The following CTNND2 variants were observed in gnomAD, a reference collection of about 807,000 sequenced individuals.
CTNND2 encodes the protein catenin delta-2.
Under a neutral mutation model 144.4 loss-of-function variants are expected in CTNND2, and 22 were observed. That is an observed-to-expected ratio of 0.15 (90% CI 0.11 to 0.22). The LOEUF (loss-of-function observed/expected upper bound fraction) is 0.22, where lower values mean the gene tolerates loss of function less well. Among genes scored for constraint, CTNND2 ranks in the 10% least tolerant of loss-of-function variants. CTNND2 has a pLI of 1.00. For synonymous variants in CTNND2, 751 were observed against 695.6 expected (o/e 1.08, Z -1.25); for missense variants, 1,353 against 1,618.8 (o/e 0.84, Z 2.82).
chr5:10,987,648 CCCTCCCCTCCCCACTCCCCTCT>C (rs1419232438), intron 20 of CTNND2, among the ~76,000 whole-genome samples: 4 of 128,506 alleles, frequency 3.1e-5, no homozygotes, highest in Non-Finnish European at 6.6e-5. Context: ...CATTCCCCGT[CCCTCCCCTCCCCACTCCCCTCT>C]CCTCCCCTCC....
chr5:11,337,632 A>T (rs1753853351), intron 9 of CTNND2, among the ~76,000 whole-genome samples: 1 of 152,220 alleles, frequency 6.6e-6, no homozygotes, highest in Admixed American at 6.5e-5. Context: ...GAAGTAATAC[A>T]AATTACTGAT....
intron 6 of CTNND2, chr5:11,385,634 T>A (rs1396447987): frequency 2.0e-5 from 3 of 152,160 alleles, no homozygotes; most frequent in Admixed American, 2.0e-4. Context: ...GGGCAGTAAA[T>A]CTTTTTCTGT....
At chr5:11,655,520 T>C (rs564821941) in intron 2 of CTNND2, among the ~76,000 whole-genome samples, 1 of 152,218 alleles carries the variant, frequency 6.6e-6, no homozygotes, top group Admixed American at 6.6e-5. Context: ...AAACTCATTA[T>C]TCTTATTCTT....
At chr5:11,721,420 G>A (rs1395233240) in intron 2 of CTNND2, among the ~76,000 whole-genome samples, 1 of 152,014 alleles carries the variant, frequency 6.6e-6, no homozygotes, top group Admixed American at 6.5e-5. Flanking sequence ...GTAAGACTTA[G>A]AAGTAGAGAA....
chr5:11,730,137 T>C (rs1213408893), intron 2 of CTNND2, among the ~76,000 whole-genome samples: 1 of 152,220 alleles, frequency 6.6e-6, no homozygotes, highest in Non-Finnish European at 1.5e-5. Flanking sequence ...TTGAGTTGTG[T>C]CTTGCTATTA....
chr5:11,332,181 A>G (rs1753221888), intron 9 of CTNND2, among the ~76,000 whole-genome samples: 1 of 151,684 alleles, frequency 6.6e-6, no homozygotes, highest in Non-Finnish European at 1.5e-5. Flanking sequence ...AGGCTGAGGC[A>G]GGAGAATCGC....
intron 3 of CTNND2, among the ~76,000 whole-genome samples, chr5:11,430,693 G>T (rs752096042): frequency 6.6e-6 from 1 of 152,206 alleles, no homozygotes; most frequent in East Asian, 1.9e-4. Flanking sequence ...ACTCATACAC[G>T]TGTATACACA....
chr5:11,551,289 C>T (rs1775735244), intron 3 of CTNND2, among the ~76,000 whole-genome samples: 1 of 152,046 alleles, frequency 6.6e-6, no homozygotes. Flanking sequence ...GCCTTTACCC[C>T]ATTTCTTTCC....
chr5:11,018,707 C>CTTTTTT (rs35528177), intron 17 of CTNND2, among the ~76,000 whole-genome samples: 2 of 129,604 alleles, frequency 1.5e-5, no homozygotes, highest in Admixed American at 7.9e-5. Flanking sequence ...GGCCCTGACT[C>CTTTTTT]TTTTTTTTTT....
intron 12 of CTNND2, among the ~76,000 whole-genome samples, chr5:11,158,289 C>T (rs1448942684): frequency 6.6e-6 from 1 of 152,134 alleles, no homozygotes; most frequent in African/African-American, 2.4e-5. Flanking sequence ...GAAGAGCCTA[C>T]AATTTTAGCT....
intron 5 of CTNND2, among the ~76,000 whole-genome samples, chr5:11,411,065 G>A (rs1761490239): frequency 1.3e-5 from 2 of 151,684 alleles, no homozygotes; most frequent in South Asian, 4.2e-4. Flanking sequence ...GTAGAGATGG[G>A]GTGTCACCAT....
chr5:11,337,929 G>A (rs1341139823), intron 9 of CTNND2, among the ~76,000 whole-genome samples: 1 of 152,148 alleles, frequency 6.6e-6, no homozygotes, highest in Non-Finnish European at 1.5e-5. Context: ...TTAGAGGAAA[G>A]ATAATATATC....
intron 1 of CTNND2, among the ~76,000 whole-genome samples, chr5:11,888,100 T>C (rs756886618): frequency 1.3e-5 from 2 of 152,258 alleles, no homozygotes; most frequent in Non-Finnish European, 2.9e-5. Flanking sequence ...TTCAATTTTA[T>C]AAATGAATGG....
intron 7 of CTNND2, among the ~76,000 whole-genome samples, chr5:11,365,224 T>A (rs1208004941): frequency 6.6e-6 from 1 of 152,226 alleles, no homozygotes; most frequent in Non-Finnish European, 1.5e-5. Flanking sequence ...TAGTCAGTCC[T>A]AAAAATCTGT....
chr5:11,461,155 G>A (rs578121377), intron 3 of CTNND2, among the ~76,000 whole-genome samples: 25 of 152,154 alleles, frequency 1.6e-4, no homozygotes, highest in African/African-American at 5.3e-4. Context: ...ATGAAGGCAG[G>A]GACTTTGTTT....
chr5:11,332,144 G>A (rs549806201), intron 9 of CTNND2, among the ~76,000 whole-genome samples: 13 of 151,846 alleles, frequency 8.6e-5, no homozygotes, highest in Admixed American at 5.9e-4. Flanking sequence ...GTGTGGTGGC[G>A]GGTACCTGTA....
At chr5:11,206,301 G>A (rs1738042888) in intron 10 of CTNND2, among the ~76,000 whole-genome samples, 1 of 152,096 alleles carries the variant, frequency 6.6e-6, no homozygotes, top group Non-Finnish European at 1.5e-5. Context: ...CCTCAAAGCT[G>A]TTTTTTTCTG....
In CTNND2 at chr5:11,364,884, G is replaced by A. The variant is rs769876996; in HGVS notation, c.1184C>T (p.Ser395Phe). Residue 395 changes from serine (S) to phenylalanine (F), a missense_variant, in exon 8 of 22, where the codon TCC becomes TTC. Ser to Phe is a radical substitution (Grantham distance 155). Transcript: ENST00000304623. ...ATGCTGGCTGCTGTATGAGGCTCGG[G>A]AACCAGCTGAAATAAATCAACAGAG... ...LQRPGSLAAG[S>F]RASYSSQHGH... 2 of 1,610,634 alleles carry A rather than the reference G, an allele frequency of 1.2e-6. No individual in the cohort carries two copies. Among genetic ancestry groups the A allele is most frequent in the Non-Finnish European group, 1.7e-6 (2 of 1,178,608 alleles).
At chr5:11,867,524 T>C (rs531538299) in intron 1 of CTNND2, among the ~76,000 whole-genome samples, 2 of 152,370 alleles carry the variant, frequency 1.3e-5, no homozygotes, top group Admixed American at 1.3e-4. Context: ...GAAAATCCTG[T>C]GGCTACTGTT....
Sources: gnomAD v4.1 joint callset for allele counts (sites outside exome capture counted in the v4.1 genomes callset) on GRCh38, gnomAD v4.1.1 for gene constraint, MANE v1.5 for transcripts, NCBI Gene and HGNC (gene_info 2026-07-23, HGNC 2026-07-21) for gene names.